RAB9B: variants seen among roughly 807,000 people sequenced by gnomAD.
RAB9B encodes the protein ras-related protein Rab-9B.
Under a neutral mutation model 8.9 loss-of-function variants are expected in RAB9B, and 1 was observed. That is an observed-to-expected ratio of 0.11 (90% CI 0.04 to 0.53). The LOEUF (loss-of-function observed/expected upper bound fraction) is 0.53. RAB9B is among the 20% of genes least tolerant of loss of function. RAB9B has a pLI of 0.93. For synonymous variants in RAB9B, 63 were observed against 57.0 expected, an observed-to-expected ratio of 1.10 and a Z score of -0.47; for missense variants, 82 against 152.9, an observed-to-expected ratio of 0.54 and a Z score of 2.45.
intron 1 of RAB9B, among the ~76,000 whole-genome samples, chrX:103,829,678 G>A (rs776604960): frequency 1.2e-4 from 14 of 112,294 alleles, no homozygotes; most frequent in Non-Finnish European, 2.6e-4. Flanking sequence ...GCAAGGTCTT[G>A]CCCTCAGGGA....
chrX:103,832,168 C>T lies in RAB9B; in HGVS notation c.-225G>A, dbSNP rs2074706834. 1 of 111,850 alleles carries T rather than the reference C, an allele frequency of 8.9e-6. No homozygotes were observed. Among genetic ancestry groups the T allele is most frequent in the South Asian group, 3.8e-4 (1 of 2,638 alleles). The allele number at this position is 111,850 out of a possible 1,213,427, so 9.2% of individuals were successfully genotyped here. On this transcript the variant is annotated 5_prime_UTR_variant, in exon 1 of 3. Transcript: ENST00000243298. ...TCACCGTCACTGCTCCTGCTGCCTC[C>T]TCGTCCTCAATGGGGCAGCAAGTGC...
At chrX:103,788,127 G>C in the RAB9B span, among the ~76,000 whole-genome samples, 2 of 112,089 alleles carry the variant, frequency 1.8e-5, no homozygotes, top group African/African-American at 6.5e-5. Context: ...AAACCAGAGA[G>C]GTTTCTTCCC....
the RAB9B span, among the ~76,000 whole-genome samples, chrX:103,805,853 T>A: frequency 8.9e-6 from 1 of 112,049 alleles, no homozygotes. Context: ...TAAATTTTGT[T>A]GATCTTTTCA....
chrX:103,801,490 A>C, the RAB9B span, among the ~76,000 whole-genome samples: 1 of 111,773 alleles, frequency 8.9e-6, no homozygotes, highest in African/African-American at 3.3e-5. Flanking sequence ...GTTTCACCAG[A>C]AGATCCTGAG....
At chrX:103,831,488 G>A (rs751579511) in intron 1 of RAB9B, among the ~76,000 whole-genome samples, 1 of 99,138 alleles carries the variant, frequency 1.0e-5, no homozygotes, top group African/African-American at 3.7e-5. Flanking sequence ...CACAACGACA[G>A]CTCTAGGGCT....
At chrX:103,783,613 C>T in the RAB9B span, among the ~76,000 whole-genome samples, 1 of 111,905 alleles carries the variant, frequency 8.9e-6, no homozygotes, top group African/African-American at 3.2e-5. Flanking sequence ...TTTGATCTTT[C>T]CAAATCTGTT....
At chrX:103,805,497 G>T in the RAB9B span, among the ~76,000 whole-genome samples, 3 of 111,280 alleles carry the variant, frequency 2.7e-5, no homozygotes, top group African/African-American at 9.8e-5. Flanking sequence ...GGAGAGTAAT[G>T]GTCTCATAGA....
At chrX:103,805,207 T>C in the RAB9B span, among the ~76,000 whole-genome samples, 2 of 112,037 alleles carry the variant, frequency 1.8e-5, no homozygotes, top group East Asian at 5.6e-4. Context: ...TGTTTTCTTT[T>C]ATCAAGAAAG....
the RAB9B span, among the ~76,000 whole-genome samples, chrX:103,808,132 T>C: frequency 9.0e-6 from 1 of 111,706 alleles, no homozygotes; most frequent in African/African-American, 3.3e-5. Flanking sequence ...CTTTGTTTGC[T>C]AGTACACAGA....
At chrX:103,787,974 A>G in the RAB9B span, 3 of 1,197,898 alleles carry the variant, frequency 2.5e-6, no homozygotes, top group Non-Finnish European at 2.3e-6. Flanking sequence ...ATGGTGAGTT[A>G]GGGTACGGGT....
the RAB9B span, chrX:103,787,502 T>C: frequency 2.5e-6 from 1 of 392,332 alleles, no homozygotes; most frequent in Admixed American, 4.3e-5. Flanking sequence ...AGATCTGTTT[T>C]GATTTCTTTA....
the RAB9B span, among the ~76,000 whole-genome samples, chrX:103,789,594 G>A: frequency 8.9e-6 from 1 of 111,909 alleles, no homozygotes; most frequent in African/African-American, 3.3e-5. Context: ...AATTAGATGG[G>A]AACAAGAAAA....
At chrX:103,822,198 C>T (rs1264844069), downstream of RAB9B, 1 of 111,746 alleles carries the variant, frequency 8.9e-6, no homozygotes, top group African/African-American at 3.3e-5. Flanking sequence ...GCTTGGAGTA[C>T]CACATGAAAC....
At chrX:103,818,636 A>G (rs2074648530), downstream of RAB9B, among the ~76,000 whole-genome samples, 1 of 111,862 alleles carries the variant, frequency 8.9e-6, no homozygotes, top group Non-Finnish European at 1.9e-5. Flanking sequence ...GCAAACAGCA[A>G]ATATAATCTT....
chrX:103,812,398 C>T, the RAB9B span, among the ~76,000 whole-genome samples: 1 of 111,742 alleles, frequency 8.9e-6, no homozygotes, highest in South Asian at 3.8e-4. Flanking sequence ...TATTTTATCT[C>T]TACATGAAAG....
At chrX:103,796,957 G>A in the RAB9B span, among the ~76,000 whole-genome samples, 17 of 107,299 alleles carry the variant, frequency 1.6e-4, no homozygotes, top group African/African-American at 5.8e-4. Flanking sequence ...AGCCCCAGAG[G>A]CTGCGGGTGC....
the RAB9B span, chrX:103,776,886 T>C: frequency 1.3e-6 from 1 of 757,791 alleles, no homozygotes; most frequent in Admixed American, 2.5e-5. Flanking sequence ...AGAGAAAAAG[T>C]AAAAGACCGA....
the RAB9B span, among the ~76,000 whole-genome samples, chrX:103,801,705 C>T: frequency 8.9e-6 from 1 of 112,053 alleles, no homozygotes; most frequent in African/African-American, 3.2e-5. Context: ...CCCAAAGTTA[C>T]AGGCTGGTAA....
At chrX:103,792,913 A>T in the RAB9B span, among the ~76,000 whole-genome samples, 1 of 112,395 alleles carries the variant, frequency 8.9e-6, no homozygotes. Context: ...TTCTCTTCGA[A>T]GTTGGGTTTC....
Sources: gnomAD v4.1 joint callset for allele counts (sites outside exome capture counted in the v4.1 genomes callset) on GRCh38, gnomAD v4.1.1 for gene constraint, MANE v1.5 for transcripts, NCBI Gene and HGNC (gene_info 2026-07-23, HGNC 2026-07-21) for gene names.